SARDH: variants seen among roughly 807,000 people sequenced by gnomAD.
The protein encoded by SARDH is sarcosine dehydrogenase, also known as sarcosine dehydrogenase, mitochondrial.
Under a neutral mutation model 109.1 loss-of-function variants are expected in SARDH, and 95 were observed. The ratio of observed to expected loss-of-function variants is 0.87; its 90% CI spans 0.74 to 1.03. The LOEUF is 1.03. Ranked by LOEUF, SARDH falls within the 50% of genes least tolerant of loss-of-function variation. SARDH has a pLI of 0.00. For missense variants in SARDH, 1,267 were observed against 1,287.8 expected, an observed-to-expected ratio of 0.98 and a Z score of 0.25; for synonymous variants, 572 against 534.8, an observed-to-expected ratio of 1.07 and a Z score of -0.96.
Position 133,712,823 on chromosome 9 carries a change from C to A in SARDH, c.1238-114G>T. 9.3e-7 allele frequency: 1 copy of A among 1,075,260 alleles called. No homozygotes were observed. Among genetic ancestry groups the A allele is most frequent in the Admixed American group, 2.0e-5 (1 of 49,308 alleles). 66.6% of individuals were successfully genotyped at this position (1,075,260 alleles called of 1,614,324 possible). ...ACAGACACTCCAAGCTCTGCTCTCA[C>A]ACCTGGGGTGCTGCACGCCTCCTGA... On this transcript the variant is annotated intron_variant, in intron 9 of 20. Coordinates refer to ENST00000439388, the MANE Select transcript of SARDH (RefSeq NM_001134707.2). The surrounding 1 kb of genome is among the most constrained non-coding windows in gnomAD (Gnocchi z 4.1).
intron 4 of SARDH, 81 bp from the exon 5 acceptor site, chr9:133,730,268 TCCCAGAG>T: frequency 6.5e-7 from 1 of 1,538,904 alleles, no homozygotes; most frequent in Non-Finnish European, 8.9e-7. Context: ...CAACCCCTCC[TCCCAGAG>T]GGGAGCTGGG....
At chr9:133,729,685 A>G in intron 6 of SARDH, 80 bp downstream of exon 6, 1 of 1,275,168 alleles carries the variant, frequency 7.8e-7, no homozygotes, top group South Asian at 1.3e-5. Context: ...GGGTCACACC[A>G]CCTGGGTTCA....
rs1564281781 is a variant in SARDH at position 133,712,639 on chromosome 9, G to A, written c.1308C>T (p.Asp436=). 2 of 1,609,880 alleles carry A rather than the reference G, an allele frequency of 1.2e-6. No individual in the cohort carries two copies. The highest frequency in any genetic ancestry group is 2.2e-5 in the East Asian group (1 of 44,854). The part of the protein sequence containing the change: ...HWIIHGRPEK[D]MHGYDIRRFH... ...CTTACCTGATGTCATAGCCATGCAT[G>A]TCCTTCTCCGGGCGCCCATGGATGA... The change falls in exon 10 of 21, where the codon GAC becomes GAT. Residue 436 remains aspartate, a synonymous_variant. Coordinates refer to ENST00000439388, the MANE Select transcript of SARDH (RefSeq NM_001134707.2). The surrounding 1 kb of genome is among the most constrained non-coding windows in gnomAD (Gnocchi z 4.1).
At position 133,730,077 on chromosome 9, in the gene SARDH, C is replaced by T. The variant is rs767034982; in HGVS notation, c.801G>A (p.Val267=). The T allele has an allele frequency of 1.2e-6, 2 of 1,614,230 alleles. No individual in the cohort carries two copies. Among genetic ancestry groups the T allele is most frequent in the Non-Finnish European group, 1.7e-6 (2 of 1,180,040 alleles). Residue 267 remains valine (V), a synonymous_variant, in exon 5 of 21, where the codon GTG becomes GTA. Transcript: ENST00000439388. ...TQHGSIQTPC[V]VNCAGVWASA... Reference sequence around the variant, plus strand: ...TGCCACTCGCACCTGCACAGTTGACCACGCAGGGTGTCTGGATGGAACCAT... The same window carrying T: ...TGCCACTCGCACCTGCACAGTTGACTACGCAGGGTGTCTGGATGGAACCAT...
At chr9:133,736,831 C>T (rs187580467) in intron 1 of SARDH, among the ~76,000 whole-genome samples, 122 of 152,348 alleles carry the variant, frequency 8.0e-4, no homozygotes, top group African/African-American at 2.8e-3. Flanking sequence ...AGGGATGTGG[C>T]TGTGATCCAA....
rs939821073 is a variant in SARDH at position 133,702,854 on chromosome 9, CA to C, written c.1668+61del. ...CTGCAGGGCCAGCCGAGGGCCGGCG[CA>C]ATGGCTTATCTGAGGGACAGGCAGA... On this transcript the variant is annotated intron_variant, in intron 13 of 20. Transcript: ENST00000439388. 1.9e-5 allele frequency: 29 copies of C among 1,500,024 alleles called. No individual in the cohort carries two copies. In the African/African-American group the frequency reaches 3.8e-4, roughly 20 times the overall value. 92.9% of individuals were successfully genotyped at this position (1,500,024 alleles called of 1,614,324 possible). A position where few individuals can be genotyped will look rare whatever the true frequency, so the allele number is the denominator to read the frequency against.
Position 133,733,858 on chromosome 9 carries a change from T to A in SARDH, c.316A>T (p.Thr106Ser), listed in dbSNP as rs1331306931. Residue 106 changes from threonine (T) to serine (S), a missense_variant, in exon 2 of 21, where the codon ACC becomes TCC. Physicochemically the swap from Thr to Ser is moderately conservative, Grantham distance 58. Coordinates refer to ENST00000439388, the MANE Select transcript of SARDH (RefSeq NM_001134707.2). ...LERERLTSGT[T>S]WHTAGLLWQL... ...CGGTCCCTACCTGCCGTGTGCCAGG[T>A]GGTCCCGGAGGTCAGCCGCTCCCGC... 6.8e-7 allele frequency: 1 copy of A among 1,470,738 alleles called. No individual in the cohort carries two copies. Among genetic ancestry groups the A allele is most frequent in the African/African-American group, 1.4e-5 (1 of 70,524 alleles). The allele number at this position is 1,470,738 out of a possible 1,614,324, so 91.1% of individuals were successfully genotyped here.
At position 133,712,065 on chromosome 9, in the gene SARDH, G is replaced by A. The variant is rs898371137; in HGVS notation, c.1328+554C>T. On this transcript the variant is annotated intron_variant, in intron 10 of 20. Coordinates refer to ENST00000439388, the MANE Select transcript of SARDH (RefSeq NM_001134707.2). This position sits in a 1 kb window ranked among gnomAD's most constrained non-coding sequence, Gnocchi z 4.1. ...ATGCCTCGGCTGGGGATGACTTAGC[G>A]TTTCCATGTGCAGACCCCATGCTGG... 4.6e-5 allele frequency among the ~76,000 whole-genome samples: 7 copies of A among 152,186 alleles called. No homozygotes were observed. The highest frequency in any genetic ancestry group is 2.0e-4 in the Admixed American group (3 of 15,284).
chr9:133,671,500 G>A (rs372575165), intron 18 of SARDH, 35 bp downstream of exon 18: 36 of 1,489,290 alleles, frequency 2.4e-5, no homozygotes, highest in Non-Finnish European at 3.0e-5. Flanking sequence ...CACTGCGCCC[G>A]CCCCCGCCCC....
intron 5 of SARDH, 58 bp downstream of exon 5, chr9:133,730,006 C>G: frequency 8.1e-6 from 13 of 1,604,724 alleles, no homozygotes; most frequent in South Asian, 4.4e-5. Flanking sequence ...GAGGTGGGAG[C>G]AGGTTTAGGG....
At position 133,666,880 on chromosome 9, in the gene SARDH, G is replaced by C; in HGVS notation, c.2496-10C>G. 6.2e-7 allele frequency: 1 copy of C among 1,612,324 alleles called. No homozygotes were observed. ...AAACATGGGTACTTTGCTGGAAGAAGCAGTAGAGAAAGCTGGGGCCCCAGA... is the reference window on the plus strand; with the variant it reads ...AAACATGGGTACTTTGCTGGAAGAACCAGTAGAGAAAGCTGGGGCCCCAGA... On this transcript the variant is annotated splice_polypyrimidine_tract_variant and intron_variant, in intron 19 of 20. Transcript: ENST00000439388. The surrounding 1 kb of genome is among the most constrained non-coding windows in gnomAD (Gnocchi z 5.2).
In SARDH at chr9:133,718,866, T is replaced by C; in HGVS notation, c.1020+72A>G. 10 of 1,225,382 alleles carry C rather than the reference T, an allele frequency of 8.2e-6. No individual in the cohort carries two copies. Among genetic ancestry groups the C allele is most frequent in the Non-Finnish European group, 1.2e-5 (10 of 826,820 alleles). The allele number at this position is 1,225,382 out of a possible 1,614,324, so 75.9% of individuals were successfully genotyped here. A position where few individuals can be genotyped will look rare whatever the true frequency, so the allele number is the denominator to read the frequency against. The stretch of plus-strand genomic sequence containing the variant: ...AGGAGCTTCAGGAGGATGGACTTCC[T>C]GAAAGAGGCCCTCTCCATGCTGAGA... On this transcript the variant is annotated intron_variant, in intron 7 of 20. Transcript: ENST00000439388. The surrounding 1 kb of genome is among the most constrained non-coding windows in gnomAD (Gnocchi z 4.2).
rs1466770757 is a variant in SARDH, at chr9:133,694,371, C to G, written c.1808G>C (p.Gly603Ala). The change falls in exon 15 of 21, where the codon GGC (glycine) becomes GCC (alanine). Residue 603 changes from glycine to alanine, a missense_variant and splice_region_variant. Transcript: ENST00000439388. Reference protein sequence around the residue: ...LFSADVSRPPGSTVYTCMLNH... With the variant: ...LFSADVSRPPASTVYTCMLNH... The stretch of plus-strand genomic sequence containing the variant: ...GAGCATGCACGTGTACACGGTGGAG[C>G]CTGCGAGAGGGAGAAGGAAGCCGGG... The G allele has an allele frequency of 3.2e-6, 5 of 1,550,068 alleles. No individual in the cohort carries two copies. Among genetic ancestry groups the G allele is most frequent in the East Asian group, 4.9e-5 (2 of 40,922 alleles).
Position 133,686,238 on chromosome 9 carries a change from C to G in SARDH, c.2070-952G>C, listed in dbSNP as rs1024094630. 4.6e-5 allele frequency among the ~76,000 whole-genome samples: 7 copies of G among 152,066 alleles called. No individual in the cohort carries two copies. Among genetic ancestry groups the G allele is most frequent in the Admixed American group, 3.9e-4 (6 of 15,262 alleles). ...ACCCAGCACCACATCTACTCTCACA[C>G]TTGCGCAAGTACCGGAGACCTCACT... is the stretch of plus-strand genomic sequence containing the variant. On this transcript the variant is annotated intron_variant, in intron 16 of 20. Transcript: ENST00000439388. The surrounding 1 kb of genome is among the most constrained non-coding windows in gnomAD (Gnocchi z 4.0).
intron 19 of SARDH, among the ~76,000 whole-genome samples, chr9:133,669,816 G>T (rs1830272736): frequency 6.6e-6 from 1 of 152,230 alleles, no homozygotes; most frequent in Admixed American, 6.5e-5. Flanking sequence ...GACTGAACCA[G>T]AACGGGATGG....
At chr9:133,683,433 C>T (rs1376113823) in intron 17 of SARDH, among the ~76,000 whole-genome samples, 3 of 152,258 alleles carry the variant, frequency 2.0e-5, no homozygotes. Context: ...TCCCCTTCTG[C>T]AAACCAGAAC....
At chr9:133,725,727 T>C (rs1832468131) in intron 6 of SARDH, 1 of 249,228 alleles carries the variant, frequency 4.0e-6, no homozygotes, top group South Asian at 3.9e-5. Flanking sequence ...TACATCATCA[T>C]AATATTGCAG....
At chr9:133,688,166 C>A (rs113688777) in intron 16 of SARDH, among the ~76,000 whole-genome samples, 1 of 152,180 alleles carries the variant, frequency 6.6e-6, no homozygotes, top group Non-Finnish European at 1.5e-5. Flanking sequence ...CCCAGAGATG[C>A]GGAGGTTGGG....
intron 16 of SARDH, among the ~76,000 whole-genome samples, chr9:133,688,705 C>T (rs1287279157): frequency 6.6e-6 from 1 of 152,234 alleles, no homozygotes; most frequent in Non-Finnish European, 1.5e-5. Context: ...TACGCACTGG[C>T]CTGCCACGGG....
Sources: gnomAD v4.1 joint callset for allele counts (sites outside exome capture counted in the v4.1 genomes callset) on GRCh38, gnomAD v4.1.1 for gene constraint, Gnocchi (gnomAD v3.1) non-coding constraint, MANE v1.5 for transcripts, NCBI Gene and HGNC (gene_info 2026-07-23, HGNC 2026-07-21) for gene names.